LINGO2: variants seen among roughly 807,000 people sequenced by gnomAD.
LINGO2 encodes leucine rich repeat and Ig domain containing 2, also known as leucine-rich repeat and immunoglobulin-like domain-containing nogo receptor-interacting protein 2.
Under a neutral mutation model 30.6 loss-of-function variants are expected in LINGO2, and 14 were observed. The observed-to-expected ratio is 0.46, with a 90% CI of 0.30 to 0.72. The LOEUF (loss-of-function observed/expected upper bound fraction) is 0.72, where lower values mean the gene tolerates loss of function less well. Ranked by LOEUF, LINGO2 falls within the 30% of genes least tolerant of loss-of-function variation. The pLI is 0.07. For missense variants in LINGO2, 729 were observed against 751.7 expected (o/e 0.97, Z 0.35); for synonymous variants, 317 against 288.5 (o/e 1.10, Z -1.00).
chr9:28,939,238 C>T, the LINGO2 span, among the ~76,000 whole-genome samples: 1 of 152,086 alleles, frequency 6.6e-6, no homozygotes, highest in Non-Finnish European at 1.5e-5. Context: ...ACGAAGAGAA[C>T]AGCCACTCCT....
the LINGO2 span, among the ~76,000 whole-genome samples, chr9:29,103,759 ACAGT>A: frequency 9.2e-5 from 14 of 152,250 alleles, 1 homozygote; most frequent in East Asian, 2.1e-3. Context: ...TTTATGACAC[ACAGT>A]CAGACCCACA....
the LINGO2 span, among the ~76,000 whole-genome samples, chr9:28,821,211 T>G: frequency 6.6e-6 from 1 of 152,242 alleles, no homozygotes; most frequent in Non-Finnish European, 1.5e-5. Context: ...GGGCATATCT[T>G]GGAGGGTCCT....
intron 2 of LINGO2, among the ~76,000 whole-genome samples, chr9:28,431,346 T>A (rs983445983): frequency 3.3e-5 from 5 of 152,076 alleles, no homozygotes; most frequent in South Asian, 2.1e-4. Flanking sequence ...TTTCCTGTCA[T>A]CTGCCTAGTG....
At chr9:28,747,529 T>A in the LINGO2 span, among the ~76,000 whole-genome samples, 1 of 151,998 alleles carries the variant, frequency 6.6e-6, no homozygotes, top group South Asian at 2.1e-4. Flanking sequence ...ACACACCCAC[T>A]TGGACTTCAG....
chr9:28,516,753 A>C (rs1323274524), intron 1 of LINGO2, among the ~76,000 whole-genome samples: 1 of 152,240 alleles, frequency 6.6e-6, no homozygotes, highest in African/African-American at 2.4e-5. Context: ...AGAACACTCT[A>C]TCCTAAGAAG....
At chr9:27,945,220 G>C (rs562989624), downstream of LINGO2, among the ~76,000 whole-genome samples, 1 of 152,166 alleles carries the variant, frequency 6.6e-6, no homozygotes, top group Admixed American at 6.5e-5. Flanking sequence ...ATTTCTCCAA[G>C]ATCACATTCT....
At chr9:28,036,202 C>T (rs762058297) in intron 4 of LINGO2, among the ~76,000 whole-genome samples, 8 of 152,152 alleles carry the variant, frequency 5.3e-5, no homozygotes, top group Non-Finnish European at 8.8e-5. Flanking sequence ...AAAAGGCAAT[C>T]TTTTGGAAGA....
At chr9:27,961,648 G>T (rs1319914593) in intron 5 of LINGO2, among the ~76,000 whole-genome samples, 1 of 152,176 alleles carries the variant, frequency 6.6e-6, no homozygotes, top group East Asian at 1.9e-4. Context: ...GATATGATCA[G>T]ATTTACATTT....
At chr9:28,230,325 G>A (rs1821313642) in intron 4 of LINGO2, among the ~76,000 whole-genome samples, 1 of 151,942 alleles carries the variant, frequency 6.6e-6, no homozygotes, top group South Asian at 2.1e-4. Context: ...TAACAGTGTT[G>A]GCAGATTTCC....
chr9:28,373,380 A>C (rs927252926), intron 2 of LINGO2, among the ~76,000 whole-genome samples: 10 of 152,108 alleles, frequency 6.6e-5, no homozygotes, highest in Non-Finnish European at 1.3e-4. Context: ...GTTCTCCCTT[A>C]TGGACCAAGT....
intron 4 of LINGO2, among the ~76,000 whole-genome samples, chr9:28,021,812 A>G (rs1399452258): frequency 6.6e-6 from 1 of 152,058 alleles, no homozygotes; most frequent in South Asian, 2.1e-4. Flanking sequence ...TTTGATTAGT[A>G]GGAGCACAGT....
intron 1 of LINGO2, among the ~76,000 whole-genome samples, chr9:28,541,218 C>G (rs1000313904): frequency 1.3e-4 from 20 of 152,026 alleles, no homozygotes; most frequent in African/African-American, 4.1e-4. Flanking sequence ...ATCCAGAATG[C>G]CTGCAATGAG....
intron 4 of LINGO2, among the ~76,000 whole-genome samples, chr9:28,022,928 A>G (rs1823204599): frequency 6.6e-6 from 1 of 151,768 alleles, no homozygotes; most frequent in Non-Finnish European, 1.5e-5. Flanking sequence ...TTAAAAGCTC[A>G]TTGTTTCTTT....
Position 28,663,170 on chromosome 9 carries a change from T to C in LINGO2, c.-365+7030A>G, listed in dbSNP as rs116229310. 4.6e-3 allele frequency among the ~76,000 whole-genome samples: 694 copies of C among 152,260 alleles called. 10 individuals are homozygous for C. The highest frequency in any genetic ancestry group is 0.016 in the African/African-American group (671 of 41,550). ...ACATATTGAGGTGCAGTTGTATTTT[T>C]TTTTGTTGTTGTTGGTGGGGAACGG... On this transcript the variant is annotated intron_variant, in intron 1 of 5. Coordinates refer to ENST00000379992, the Ensembl canonical transcript of LINGO2.
rs1188627071 is a variant in LINGO2, at chr9:27,948,594, A to G, written c.*257T>C. The G allele has an allele frequency of 9.7e-6, 4 of 411,020 alleles. No homozygotes were observed. In the East Asian group the frequency reaches 1.6e-4, roughly 16 times the overall value. The allele number at this position is 411,020 out of a possible 1,614,324, so 25.5% of individuals were successfully genotyped here. A position where few individuals can be genotyped will look rare whatever the true frequency, so the allele number is the denominator to read the frequency against. On this transcript the variant is annotated 3_prime_UTR_variant, in exon 6 of 6. Coordinates refer to ENST00000379992, the Ensembl canonical transcript of LINGO2. ...GAGTGTGAGCCAAATATTCAGGTTC[A>G]TTACTGAGATCCCCAGAACGCCAAT...
At chr9:28,146,271 A>T (rs1827810081) in intron 4 of LINGO2, among the ~76,000 whole-genome samples, 1 of 152,162 alleles carries the variant, frequency 6.6e-6, no homozygotes, top group South Asian at 2.1e-4. Flanking sequence ...TGGGCCCTCA[A>T]ATCCCTGCTT....
At chr9:27,980,065 G>A (rs1820783496) in intron 5 of LINGO2, among the ~76,000 whole-genome samples, 2 of 151,848 alleles carry the variant, frequency 1.3e-5, no homozygotes, top group African/African-American at 4.8e-5. Context: ...AACACCAGCT[G>A]TTCAGAGTAC....
At chr9:28,757,218 C>T in the LINGO2 span, among the ~76,000 whole-genome samples, 1 of 152,048 alleles carries the variant, frequency 6.6e-6, no homozygotes, top group African/African-American at 2.4e-5. Context: ...TGAAATTGAA[C>T]TTGGCATAGT....
At chr9:28,971,567 C>G in the LINGO2 span, among the ~76,000 whole-genome samples, 5 of 152,188 alleles carry the variant, frequency 3.3e-5, no homozygotes, top group Admixed American at 1.3e-4. Context: ...TTTTGAAAGG[C>G]AGGAGAAAGA....
Sources: gnomAD v4.1 joint callset for allele counts (sites outside exome capture counted in the v4.1 genomes callset) on GRCh38, gnomAD v4.1.1 for gene constraint, MANE v1.5 for transcripts, NCBI Gene and HGNC (gene_info 2026-07-23, HGNC 2026-07-21) for gene names.